PHTF2: variants seen among roughly 807,000 people sequenced by gnomAD.
The protein encoded by PHTF2 is putative homeodomain transcription factor 2.
Under a neutral mutation model 101.2 loss-of-function variants are expected in PHTF2, and 60 were observed. That is an observed-to-expected ratio of 0.59 (90% CI 0.48 to 0.73). The LOEUF (loss-of-function observed/expected upper bound fraction) is 0.73. Ranked by LOEUF, PHTF2 falls within the 30% of genes least tolerant of loss-of-function variation. The pLI is 0.00. For synonymous variants in PHTF2, 311 were observed against 307.3 expected, an observed-to-expected ratio of 1.01 and a Z score of -0.13; for missense variants, 747 against 908.7, an observed-to-expected ratio of 0.82 and a Z score of 2.29.
intron 1 of PHTF2, among the ~76,000 whole-genome samples, chr7:77,802,893 C>G (rs768524229): frequency 3.4e-4 from 51 of 152,202 alleles, no homozygotes; most frequent in Non-Finnish European, 1.9e-4. Flanking sequence ...CTATCTTCTT[C>G]TCAGATTAAT....
At chr7:77,835,642 C>T (rs1439224350) in intron 1 of PHTF2, among the ~76,000 whole-genome samples, 1 of 152,118 alleles carries the variant, frequency 6.6e-6, no homozygotes, top group African/African-American at 2.4e-5. Flanking sequence ...ATACTGACCC[C>T]TGTGCTGTGG....
At chr7:77,900,480 A>T (rs944944489) in intron 5 of PHTF2, among the ~76,000 whole-genome samples, 5 of 152,202 alleles carry the variant, frequency 3.3e-5, no homozygotes, top group African/African-American at 1.2e-4. Context: ...TACTGTTGGT[A>T]ATAAACCGGC....
At chr7:77,891,572 T>C (rs1441048902) in intron 3 of PHTF2, among the ~76,000 whole-genome samples, 2 of 117,808 alleles carry the variant, frequency 1.7e-5, no homozygotes, top group Non-Finnish European at 3.4e-5. Flanking sequence ...GGGTATAATA[T>C]GGTTTTTTTT....
At chr7:77,910,384 T>C in exon 9 of PHTF2, 1 of 1,611,392 alleles carries the variant, frequency 6.2e-7, no homozygotes, top group Non-Finnish European at 8.5e-7. Flanking sequence ...CAGAGATCTC[T>C]GGCATGCTGC....
At chr7:77,922,017 C>CTT (rs35763664) in intron 10 of PHTF2, among the ~76,000 whole-genome samples, 2,885 of 95,098 alleles carry the variant, frequency 0.03, 130 homozygotes, top group African/African-American at 0.071. Context: ...GTTTATATTC[C>CTT]TTTTTTTTTT....
At chr7:77,822,562 C>T (rs1794375325) in intron 1 of PHTF2, among the ~76,000 whole-genome samples, 1 of 152,084 alleles carries the variant, frequency 6.6e-6, no homozygotes, top group Admixed American at 6.6e-5. Context: ...GTGGGATTCT[C>T]CTGTAGTAAG....
intron 9 of PHTF2, among the ~76,000 whole-genome samples, chr7:77,914,194 C>T (rs149904562): frequency 2.8e-4 from 42 of 152,036 alleles, no homozygotes; most frequent in African/African-American, 9.4e-4. Flanking sequence ...ACATATAAAC[C>T]CACTGAAATA....
rs566820011 is a variant in PHTF2, at chr7:77,919,746, T to G, written c.777-533T>G. On this transcript the variant is annotated intron_variant, in intron 9 of 19. Coordinates refer to ENST00000416283, the Ensembl canonical transcript of PHTF2. ...AGGTTACTTCTTTATTTTCTTTGTGTTGTTCTTTTTCACTTCTTCCATTAT... is the reference window on the plus strand; with the variant it reads ...AGGTTACTTCTTTATTTTCTTTGTGGTGTTCTTTTTCACTTCTTCCATTAT... 1.3e-4 allele frequency among the ~76,000 whole-genome samples: 20 copies of G among 152,334 alleles called. No individual in the cohort carries two copies. In the East Asian group the frequency reaches 1.9e-3, roughly 15 times the overall value.
At chr7:77,912,768 T>C (rs1019760631) in intron 9 of PHTF2, among the ~76,000 whole-genome samples, 1 of 131,358 alleles carries the variant, frequency 7.6e-6, no homozygotes, top group African/African-American at 2.8e-5. Context: ...GTCTCACTGC[T>C]GTAGTCCTTG....
chr7:77,924,993 C>G (rs748781088), intron 11 of PHTF2, among the ~76,000 whole-genome samples: 23 of 152,138 alleles, frequency 1.5e-4, no homozygotes, highest in Non-Finnish European at 2.8e-4. Context: ...AGGGAACTGA[C>G]AGCTTCTTTT....
chr7:77,864,345 A>C (rs1797884028), intron 3 of PHTF2, among the ~76,000 whole-genome samples: 1 of 152,118 alleles, frequency 6.6e-6, no homozygotes, highest in South Asian at 2.1e-4. Context: ...TCTCACATCC[A>C]CCAGAGTGAT....
At chr7:77,940,614 A>C (rs755272126) in exon 15 of PHTF2, 3 of 1,607,050 alleles carry the variant, frequency 1.9e-6, no homozygotes, top group Non-Finnish European at 2.6e-6. Context: ...GGTTGAAGAA[A>C]GTACAGAATA....
intron 3 of PHTF2, among the ~76,000 whole-genome samples, chr7:77,885,619 A>C (rs970286488): frequency 6.6e-6 from 1 of 151,852 alleles, no homozygotes; most frequent in Non-Finnish European, 1.5e-5. Flanking sequence ...TATTTTTTGT[A>C]TTCTTAGTAG....
At chr7:77,889,577 CTTTTTTTT>C (rs1167785916) in intron 3 of PHTF2, among the ~76,000 whole-genome samples, 2 of 117,922 alleles carry the variant, frequency 1.7e-5, no homozygotes, top group African/African-American at 6.2e-5. Flanking sequence ...GTAGTATTTT[CTTTTTTTT>C]TTTTTTTCCT....
chr7:77,863,110 T>C (rs1462588678), intron 3 of PHTF2, among the ~76,000 whole-genome samples: 1 of 152,244 alleles, frequency 6.6e-6, no homozygotes, highest in Non-Finnish European at 1.5e-5. Context: ...ATCAATATCC[T>C]TATTGGCATA....
intron 6 of PHTF2, among the ~76,000 whole-genome samples, 186 bp from the exon 6 acceptor site, chr7:77,901,574 TTC>T (rs1801396363): frequency 6.6e-6 from 1 of 152,182 alleles, no homozygotes; most frequent in South Asian, 2.1e-4. Flanking sequence ...GTGGGAGAAA[TTC>T]TGTTATTTCA....
intron 3 of PHTF2, among the ~76,000 whole-genome samples, chr7:77,878,886 A>G (rs934945280): frequency 4.6e-5 from 7 of 152,172 alleles, no homozygotes; most frequent in African/African-American, 1.7e-4. Context: ...TTTGAGGGTT[A>G]TTGAGGGACC....
chr7:77,809,703 A>G (rs1584355915), intron 1 of PHTF2, among the ~76,000 whole-genome samples: 1 of 152,346 alleles, frequency 6.6e-6, no homozygotes, highest in East Asian at 1.9e-4. Flanking sequence ...TGAAAATACT[A>G]CTATGATCAT....
exon 8 of PHTF2, chr7:77,908,829 C>T: frequency 6.2e-7 from 1 of 1,610,888 alleles, no homozygotes; most frequent in Non-Finnish European, 8.5e-7. Flanking sequence ...ACTTCTAGCC[C>T]ACACAGCATA....
Sources: allele counts gnomAD v4.1 joint callset (sites outside exome capture counted in the v4.1 genomes callset), GRCh38; gene constraint gnomAD v4.1.1; transcripts MANE v1.5; gene names NCBI Gene and HGNC (gene_info 2026-07-23, HGNC 2026-07-21).